Variants in ALG5 observed in about 807,000 individuals in gnomAD.
The protein encoded by ALG5 is dolichyl-phosphate beta-glucosyltransferase.
A neutral mutation model predicts 51.8 loss-of-function variants in ALG5; 26 were observed. The ratio of observed to expected loss-of-function variants is 0.50; its 90% CI spans 0.37 to 0.70. The LOEUF (loss-of-function observed/expected upper bound fraction) is 0.70. Among genes scored for constraint, ALG5 ranks in the 30% least tolerant of loss-of-function variants. The pLI is 0.00. For missense variants in ALG5, 311 were observed against 399.3 expected (o/e 0.78, Z 1.88); for synonymous variants, 141 against 136.1 (o/e 1.04, Z -0.25).
rs376424367 is a variant in ALG5 at position 36,960,520 on chromosome 13, ATAT to A, written c.773+5052_773+5054del. Among the ~76,000 whole-genome samples, 71 of 152,056 alleles carry A rather than the reference ATAT, an allele frequency of 4.7e-4. No homozygotes were observed. The East Asian group carries it at 0.013, about 29-fold the overall frequency. On this transcript the variant is annotated intron_variant, in intron 8 of 9. Coordinates refer to ENST00000239891, the MANE Select transcript of ALG5 (RefSeq NM_013338.5). Reference sequence around the variant, plus strand: ...TCATTTCAAAGAAAAAAACATATATATATTATTATTGAGACAGGGTCTCGTTCT... The same window carrying A: ...TCATTTCAAAGAAAAAAACATATATATATTATTGAGACAGGGTCTCGTTCT...
In ALG5 at chr13:36,995,460, G is replaced by A. The variant is rs1247685828; in HGVS notation, c.203C>T (p.Ser68Phe). 1 of 1,612,854 alleles carries A rather than the reference G, an allele frequency of 6.2e-7. No individual in the cohort carries two copies. Among genetic ancestry groups the A allele is most frequent in the Non-Finnish European group, 8.5e-7 (1 of 1,179,796 alleles). The change falls in exon 2 of 10, where the codon TCT (serine) becomes TTT (phenylalanine). Residue 68 changes from serine to phenylalanine, a missense_variant. Ser to Phe is a radical substitution (Grantham distance 155, BLOSUM62 -2). Transcript: ENST00000239891. ...TTCATTGTATGAAGGCACAACGACA[G>A]AAAGTTGTTTGGTAGGTGAGTCCCA... is the stretch of plus-strand genomic sequence containing the variant. The part of the protein sequence containing the change: ...SIWDSPTKQL[S>F]VVVPSYNEEK...
At chr13:36,987,564 T>C (rs1237434713) in intron 5 of ALG5, among the ~76,000 whole-genome samples, 9 of 152,188 alleles carry the variant, frequency 5.9e-5, no homozygotes, top group Admixed American at 5.9e-4. Flanking sequence ...TCCACTTCGC[T>C]TTCTATCATG....
Position 36,958,144 on chromosome 13 carries a change from C to T in ALG5, c.774-5545G>A, listed in dbSNP as rs529636917. Among the ~76,000 whole-genome samples the T allele has an allele frequency of 4.6e-5, 7 of 152,178 alleles. No homozygotes were observed. The South Asian group carries it at 1.5e-3, about 32-fold the overall frequency. On this transcript the variant is annotated intron_variant, in intron 8 of 9. Coordinates refer to ENST00000239891, the MANE Select transcript of ALG5 (RefSeq NM_013338.5). Reference sequence around the variant, plus strand: ...GCAGATCCCCAATCCCCATGGCCTTCCCTTGTCATATTTTCCTCCTTACTG... The same window carrying T: ...GCAGATCCCCAATCCCCATGGCCTTTCCTTGTCATATTTTCCTCCTTACTG...
chr13:36,979,941 G>A (rs1160840566), intron 6 of ALG5, among the ~76,000 whole-genome samples: 2 of 152,238 alleles, frequency 1.3e-5, no homozygotes, highest in African/African-American at 2.4e-5. Flanking sequence ...CAGCTACTCG[G>A]GAGGTTGACA....
intron 4 of ALG5, among the ~76,000 whole-genome samples, chr13:36,993,208 T>C (rs1439197314): frequency 6.6e-6 from 1 of 152,220 alleles, no homozygotes; most frequent in South Asian, 2.1e-4. Flanking sequence ...TCTCTGTGCA[T>C]GTGAAAGGAC....
At chr13:36,986,251 T>C (rs1221989217) in intron 5 of ALG5, among the ~76,000 whole-genome samples, 1 of 152,184 alleles carries the variant, frequency 6.6e-6, no homozygotes, top group Admixed American at 6.5e-5. Flanking sequence ...ATAAAAAGTG[T>C]CAATAAACTT....
chr13:36,998,111 G>A (rs1183772168), intron 1 of ALG5, among the ~76,000 whole-genome samples: 1 of 152,164 alleles, frequency 6.6e-6, no homozygotes, highest in Non-Finnish European at 1.5e-5. Flanking sequence ...AATACCGTCA[G>A]TACAATCCCA....
In ALG5 at chr13:36,969,541, A is replaced by T. The variant is rs144431170; in HGVS notation, c.621+2436T>A. Among the ~76,000 whole-genome samples the T allele has an allele frequency of 3.2e-4, 49 of 151,424 alleles. 1 individual carries two copies. The highest frequency in any genetic ancestry group is 9.9e-4 in the African/African-American group (41 of 41,352). Reference sequence around the variant, plus strand: ...ATTTATTTTATTTATTTATTTATTTATTTTTTTGAGGAGGAGGTGTCTTAC... The same window carrying T: ...ATTTATTTTATTTATTTATTTATTTTTTTTTTTGAGGAGGAGGTGTCTTAC... On this transcript the variant is annotated intron_variant, in intron 7 of 9. Transcript: ENST00000239891.
chr13:36,993,159 T>C (rs1427788409), intron 4 of ALG5, among the ~76,000 whole-genome samples: 1 of 152,234 alleles, frequency 6.6e-6, no homozygotes, highest in Non-Finnish European at 1.5e-5. Context: ...CTATTCAAAG[T>C]GCAGCACTTA....
intron 6 of ALG5, among the ~76,000 whole-genome samples, chr13:36,972,808 C>G (rs1312655094): frequency 6.6e-6 from 1 of 151,876 alleles, no homozygotes; most frequent in Non-Finnish European, 1.5e-5. Context: ...CTGGCTAACA[C>G]AGCGAAACCC....
chr13:36,990,754 TG>T (rs60847781), intron 4 of ALG5, among the ~76,000 whole-genome samples: 125,321 of 152,106 alleles, frequency 0.82, 52,467 homozygotes, highest in East Asian at 1. Context: ...TCTACTAAGT[TG>T]CTCAAATTGA....
intron 8 of ALG5, among the ~76,000 whole-genome samples, chr13:36,961,411 A>G (rs2058866147): frequency 6.6e-6 from 1 of 152,210 alleles, no homozygotes; most frequent in South Asian, 2.1e-4. Context: ...CCAAAACACT[A>G]ACAACAAAAA....
At chr13:36,968,520 T>C (rs375172972) in intron 7 of ALG5, among the ~76,000 whole-genome samples, 2 of 152,206 alleles carry the variant, frequency 1.3e-5, no homozygotes, top group South Asian at 2.1e-4. Flanking sequence ...ATTACCGTTA[T>C]ACAGAACACA....
At chr13:36,993,522 GT>G in intron 4 of ALG5, 81 bp downstream of exon 4, 2 of 1,169,174 alleles carry the variant, frequency 1.7e-6, no homozygotes, top group Non-Finnish European at 2.6e-6. Context: ...GGGTCCCCTG[GT>G]GAATGAAAGT....
intron 6 of ALG5, among the ~76,000 whole-genome samples, chr13:36,974,350 T>C (rs1363783422): frequency 6.6e-6 from 1 of 152,096 alleles, no homozygotes; most frequent in African/African-American, 2.4e-5. Context: ...CAAAAATAAA[T>C]TTAAAAGTGC....
chr13:36,984,388 C>A lies in ALG5; in HGVS notation c.561+1239G>T, dbSNP rs1162345795. Among the ~76,000 whole-genome samples, 3 of 152,024 alleles carry A rather than the reference C, an allele frequency of 2.0e-5. No individual in the cohort carries two copies. The East Asian group carries it at 5.8e-4, about 29-fold the overall frequency. ...AGTGCTGGAATTACAGGCATGTAAA[C>A]CTGGCCTGTAATTTTTCTTTTAATA... On this transcript the variant is annotated intron_variant, in intron 6 of 9. Coordinates refer to ENST00000239891, the MANE Select transcript of ALG5 (RefSeq NM_013338.5).
At chr13:36,958,157 T>C (rs2058849070) in intron 8 of ALG5, among the ~76,000 whole-genome samples, 1 of 152,016 alleles carries the variant, frequency 6.6e-6, no homozygotes. Context: ...TTGTCATATT[T>C]TCCTCCTTAC....
At chr13:36,979,294 C>G (rs1167939715) in intron 6 of ALG5, among the ~76,000 whole-genome samples, 1 of 152,124 alleles carries the variant, frequency 6.6e-6, no homozygotes, top group Non-Finnish European at 1.5e-5. Flanking sequence ...GCCACTGTGC[C>G]CGGCCACATT....
chr13:36,965,521 TAGA>T, intron 8 of ALG5, 51 bp downstream of exon 8: 1 of 1,537,246 alleles, frequency 6.5e-7, no homozygotes, highest in Non-Finnish European at 8.8e-7. Flanking sequence ...TCTCATTACC[TAGA>T]AGATGGCTGG....
Sources: allele counts gnomAD v4.1 joint callset (sites outside exome capture counted in the v4.1 genomes callset), GRCh38; gene constraint gnomAD v4.1.1; transcripts MANE v1.5; gene names NCBI Gene and HGNC (gene_info 2026-07-23, HGNC 2026-07-21).